BRD2: variants seen among roughly 807,000 people sequenced by gnomAD.
BRD2 encodes bromodomain containing 2.
A neutral mutation model predicts 79.1 loss-of-function variants in BRD2; 15 were observed. The observed-to-expected ratio is 0.19, with a 90% CI of 0.13 to 0.29. BRD2 has a LOEUF of 0.29. Among genes scored for constraint, BRD2 ranks in the 10% least tolerant of loss-of-function variants. The pLI is 1.00. For missense variants in BRD2, 1,053 were observed against 991.3 expected (o/e 1.06, Z -0.84); for synonymous variants, 488 against 358.6 (o/e 1.36, Z -4.08).
At chr6:32,976,490 CAGCAGGGAGGCAA>C (rs1292352132) in intron 6 of BRD2, 26 bp downstream of exon 6, 3 of 1,603,984 alleles carry the variant, frequency 1.9e-6, no homozygotes, top group Non-Finnish European at 1.7e-6. Flanking sequence ...TTCCTCTGGG[CAGCAGGGAGGCAA>C]GGGTCTTAAG....
intron 7 of BRD2, 71 bp from the exon 8 acceptor site, chr6:32,977,371 G>C (rs780383992): frequency 2.1e-5 from 34 of 1,611,612 alleles, no homozygotes; most frequent in Non-Finnish European, 2.9e-5. Context: ...CTCTTCTTGT[G>C]GTGTCTGGGG....
Position 32,977,436 on chromosome 6 carries a change from C to A in BRD2, c.1201-6C>A. The A allele has an allele frequency of 1.9e-6, 3 of 1,613,852 alleles. 1 individual carries two copies. Among genetic ancestry groups the A allele is most frequent in the Non-Finnish European group, 8.5e-7 (1 of 1,180,032 alleles). On this transcript the variant is annotated splice_region_variant and splice_polypyrimidine_tract_variant and intron_variant, in intron 7 of 12. Coordinates refer to ENST00000374825, the MANE Select transcript of BRD2 (RefSeq NM_005104.4). ...GTGCAGCTTCTGATGCTGCCTCCTT[C>A]TGCAGCGGAAGATGGAGAACCGTGA...
chr6:32,975,371 T>A lies in BRD2; in HGVS notation c.334-13T>A. The A allele has an allele frequency of 1.3e-6, 2 of 1,596,498 alleles. No homozygotes were observed. The highest frequency in any genetic ancestry group is 1.1e-5 in the South Asian group (1 of 89,684). On this transcript the variant is annotated splice_polypyrimidine_tract_variant and intron_variant, in intron 3 of 12. Transcript: ENST00000374825. ...ATTTTTCTGTGGTTCTGACCTAACATTTTTTTATTTAGGATTATCACAAAA... is the reference window on the plus strand; with the variant it reads ...ATTTTTCTGTGGTTCTGACCTAACAATTTTTTATTTAGGATTATCACAAAA...
At position 32,971,977 on chromosome 6, in the gene BRD2, C is replaced by T. The variant is rs1258839389; in HGVS notation, c.-922C>T. On this transcript the variant is annotated 5_prime_UTR_variant, in exon 2 of 13. Transcript: ENST00000374825. ...CGGCACTCTTCTGCCTGGTGACTGA[C>T]ACCTTGGAAATGAAGTTTATGACGT... 29 of 702,790 alleles carry T rather than the reference C, an allele frequency of 4.1e-5. 2 individuals are homozygous for T. The highest frequency in any genetic ancestry group is 4.0e-4 in the South Asian group (27 of 67,572). The allele number at this position is 702,790 out of a possible 1,614,324, so 43.5% of individuals were successfully genotyped here. A position where few individuals can be genotyped will look rare whatever the true frequency, so the allele number is the denominator to read the frequency against.
At chr6:32,972,995 C>T in intron 2 of BRD2, 68 bp downstream of exon 2, 2 of 1,613,780 alleles carry the variant, frequency 1.2e-6, no homozygotes, top group South Asian at 1.1e-5. Flanking sequence ...TGTGGGGCGC[C>T]GTGTTGGGAG....
chr6:32,974,780 T>C lies in BRD2; in HGVS notation c.333+15T>C. On this transcript the variant is annotated intron_variant, in intron 3 of 12. Transcript: ENST00000374825. ...TGGGTCTACCGGTGAGTAGAGACAT[T>C]GGAGCCGGGGAGGTGTGGGATGAGC... is the stretch of plus-strand genomic sequence containing the variant. 6.2e-7 allele frequency: 1 copy of C among 1,609,870 alleles called. No individual in the cohort carries two copies. Among genetic ancestry groups the C allele is most frequent in the South Asian group, 1.1e-5 (1 of 90,876 alleles).
intron 10 of BRD2, 179 bp downstream of exon 10, chr6:32,978,567 G>A (rs1462089301): frequency 1.5e-5 from 15 of 1,022,370 alleles, no homozygotes; most frequent in Non-Finnish European, 1.9e-5. Context: ...TTTTACCACA[G>A]ACAGGGTTTG....
chr6:32,971,628 C>T lies in BRD2; in HGVS notation c.-1271C>T, dbSNP rs1057171544. On this transcript the variant is annotated 5_prime_UTR_variant, in exon 2 of 13. Transcript: ENST00000374825. ...CTGCTGCTGCCTTACCGCCGAGAACCACCACCCGCCAGGCGTCTTGCGGCC... is the reference window on the plus strand; with the variant it reads ...CTGCTGCTGCCTTACCGCCGAGAACTACCACCCGCCAGGCGTCTTGCGGCC... The T allele has an allele frequency of 4.6e-6, 2 of 438,898 alleles. No individual in the cohort carries two copies. The highest frequency in any genetic ancestry group is 8.1e-6 in the Non-Finnish European group (2 of 247,988). The allele number at this position is 438,898 out of a possible 1,614,324, so 27.2% of individuals were successfully genotyped here.
chr6:32,976,009 A>G (rs756641134), intron 4 of BRD2, 22 bp from the exon 5 acceptor site: 11 of 1,580,820 alleles, frequency 7.0e-6, no homozygotes, highest in Non-Finnish European at 9.4e-6. Context: ...AACTTTCTTT[A>G]TTGCTGTCTG....
chr6:32,976,510 T>A (rs766617388), intron 6 of BRD2, 46 bp downstream of exon 6: 1 of 1,598,766 alleles, frequency 6.3e-7, no homozygotes, highest in Non-Finnish European at 8.5e-7. Context: ...GCAAGGGTCT[T>A]AAGTAAAGTG....
Position 32,977,788 on chromosome 6 carries a change from C to T in BRD2, c.1361C>T (p.Pro454Leu), listed in dbSNP as rs2127519922. 2 of 1,613,090 alleles carry T rather than the reference C, an allele frequency of 1.2e-6. No individual in the cohort carries two copies. The highest frequency in any genetic ancestry group is 1.7e-6 in the Non-Finnish European group (2 of 1,180,038). The change falls in exon 9 of 13, where the codon CCA becomes CTA. Residue 454 changes from proline (P) to leucine (L), a missense_variant. By Grantham distance (98) the Pro-to-Leu change is moderately conservative (BLOSUM62 -3). Around this residue, in one of 5 missense-constraint regions of BRD2, gnomAD observed 454 missense variants for 430.5 expected, o/e 1.05. Transcript: ENST00000374825. ...TTTGAGTTCCGTTATGCCAAGATGCCAGATGAACCACTAGAACCAGGGCCT... is the reference window on the plus strand; with the variant it reads ...TTTGAGTTCCGTTATGCCAAGATGCTAGATGAACCACTAGAACCAGGGCCT... ...DVFEFRYAKMPDEPLEPGPLP... is the reference protein window; with the variant it reads ...DVFEFRYAKMLDEPLEPGPLP...
At position 32,974,771 on chromosome 6, in the gene BRD2, TAGAG is replaced by T; in HGVS notation, c.333+8_333+11del. 6.2e-7 allele frequency: 1 copy of T among 1,611,580 alleles called. No homozygotes were observed. The highest frequency in any genetic ancestry group is 8.5e-7 in the Non-Finnish European group (1 of 1,178,306). Reference sequence around the variant, plus strand: ...CTGTCAAACTGGGTCTACCGGTGAGTAGAGACATTGGAGCCGGGGAGGTGTGGGA... The same window carrying T: ...CTGTCAAACTGGGTCTACCGGTGAGTACATTGGAGCCGGGGAGGTGTGGGA... On this transcript the variant is annotated splice_region_variant and intron_variant, in intron 3 of 12. Transcript: ENST00000374825.
Position 32,980,786 on chromosome 6 carries a change from C to A in BRD2, c.*68C>A, listed in dbSNP as rs572040517. On this transcript the variant is annotated 3_prime_UTR_variant, in exon 13 of 13. Transcript: ENST00000374825. ...CCCCTAGACCACCCTGCCCCACCTG[C>A]CCCTTCCCCCTTTGCTGTGACACTT... is the stretch of plus-strand genomic sequence containing the variant. The A allele has an allele frequency of 1.3e-6, 2 of 1,565,982 alleles. No individual in the cohort carries two copies. The highest frequency in any genetic ancestry group is 1.4e-5 in the African/African-American group (1 of 73,804).
chr6:32,978,220 G>A lies in BRD2; in HGVS notation c.1673G>A (p.Arg558Gln), dbSNP rs771406378. Residue 558 changes from arginine (R) to glutamine (Q), a missense_variant, in exon 10 of 13, where the codon CGG (arginine) becomes CAG (glutamine). Around this residue, in one of 5 missense-constraint regions of BRD2, gnomAD observed 454 missense variants for 430.5 expected, o/e 1.05. Transcript: ENST00000374825. Reference sequence around the variant, plus strand: ...GAGAAAAAAGAGAAAAAGAAGAAACGGAAGGCAGAGAAGCATCGAGGCCGA... The same window carrying A: ...GAGAAAAAAGAGAAAAAGAAGAAACAGAAGGCAGAGAAGCATCGAGGCCGA... The part of the protein sequence containing the change: ...KREKKEKKKK[R>Q]KAEKHRGRAG... 9.3e-6 allele frequency: 15 copies of A among 1,612,948 alleles called. No individual in the cohort carries two copies. The highest frequency in any genetic ancestry group is 2.7e-5 in the African/African-American group (2 of 74,912).
chr6:32,978,080 T>C (rs772796636), intron 9 of BRD2, 46 bp from the exon 10 acceptor site: 11 of 1,589,458 alleles, frequency 6.9e-6, no homozygotes, highest in Admixed American at 3.7e-5. Context: ...CTTCTTGTTA[T>C]TTTATCTTTA....
At chr6:32,977,346 G>A (rs1437508030) in intron 7 of BRD2, 96 bp from the exon 8 acceptor site, 5 of 1,608,928 alleles carry the variant, frequency 3.1e-6, no homozygotes, top group Non-Finnish European at 4.2e-6. Context: ...TCCCCACTGT[G>A]CTCTCAAGAG....
At chr6:32,969,429 C>T in intron 1 of BRD2, 3 of 706,908 alleles carry the variant, frequency 4.2e-6, no homozygotes, top group Middle Eastern at 2.3e-4. Flanking sequence ...TGGCCCCTAC[C>T]CGTGGATGTG....
rs1173869452 is a variant in BRD2 at position 32,981,478 on chromosome 6, T to C, written c.*760T>C. 4 of 152,220 alleles carry C rather than the reference T, an allele frequency of 2.6e-5. No homozygotes were observed. Among genetic ancestry groups the C allele is most frequent in the African/African-American group, 9.6e-5 (4 of 41,460 alleles). The allele number at this position is 152,220 out of a possible 1,614,324, so 9.4% of individuals were successfully genotyped here. A position where few individuals can be genotyped will look rare whatever the true frequency, so the allele number is the denominator to read the frequency against. On this transcript the variant is annotated 3_prime_UTR_variant, in exon 13 of 13. Coordinates refer to ENST00000374825, the MANE Select transcript of BRD2 (RefSeq NM_005104.4). ...CAGTAGGCTTTTGCTGTGTTTTTAATAAAGTAAATATGACTTTTGTAAATT... is the reference window on the plus strand; with the variant it reads ...CAGTAGGCTTTTGCTGTGTTTTTAACAAAGTAAATATGACTTTTGTAAATT...
chr6:32,971,485 G>C (rs1777967592), intron 1 of BRD2, 110 bp from the exon 2 acceptor site: 1 of 417,716 alleles, frequency 2.4e-6, no homozygotes, highest in African/African-American at 2.1e-5. Context: ...GTTTTAGACT[G>C]TGGGGCATGG....
Sources: allele counts gnomAD v4.1 joint callset, GRCh38; gene constraint gnomAD v4.1.1; regional missense constraint gnomAD v4.1.1; transcripts MANE v1.5; gene names NCBI Gene and HGNC (gene_info 2026-07-23, HGNC 2026-07-21).